CASD1: variants seen among roughly 807,000 people sequenced by gnomAD.
CASD1 encodes CAS1 domain sialic acid O acetyltransferase 1.
In CASD1, 41 loss-of-function variants were observed where a neutral mutation model predicts 100.0. That is an observed-to-expected ratio of 0.41 (90% CI 0.32 to 0.53). CASD1 has a LOEUF of 0.53. Among genes scored for constraint, CASD1 ranks in the 20% least tolerant of loss-of-function variants. The pLI, the probability that CASD1 is intolerant of heterozygous loss-of-function variation, is 0.25. For missense variants in CASD1, 774 were observed against 948.7 expected, an observed-to-expected ratio of 0.82 and a Z score of 2.42; for synonymous variants, 321 against 315.6, an observed-to-expected ratio of 1.02 and a Z score of -0.18.
At chr7:94,573,942 G>C in the CASD1 span, among the ~76,000 whole-genome samples, 1 of 152,084 alleles carries the variant, frequency 6.6e-6, no homozygotes, top group Non-Finnish European at 1.5e-5. Flanking sequence ...ATATGAAGTG[G>C]TGTTGAATTT....
chr7:94,569,957 G>A, the CASD1 span, among the ~76,000 whole-genome samples: 32 of 151,956 alleles, frequency 2.1e-4, 2 homozygotes, highest in East Asian at 2.1e-3. Context: ...GGGACTACAG[G>A]TGCCCGCCAC....
the CASD1 span, chr7:94,590,874 C>G: frequency 6.6e-6 from 1 of 152,094 alleles, no homozygotes; most frequent in Non-Finnish European, 1.5e-5. Flanking sequence ...ATACAACAAT[C>G]TAAAGTGGAA....
intron 3 of CASD1, among the ~76,000 whole-genome samples, chr7:94,524,575 A>C (rs184187832): frequency 2.0e-4 from 30 of 152,264 alleles, no homozygotes; most frequent in Non-Finnish European, 1.0e-4. Flanking sequence ...ACTCCAGAAA[A>C]TAATTTGCGT....
chr7:94,595,612 C>T, the CASD1 span, among the ~76,000 whole-genome samples: 15 of 152,050 alleles, frequency 9.9e-5, no homozygotes, highest in Non-Finnish European at 1.9e-4. Context: ...ACATTTTAAT[C>T]TTGAGAATTC....
chr7:94,568,700 A>G, the CASD1 span, among the ~76,000 whole-genome samples: 1 of 152,204 alleles, frequency 6.6e-6, no homozygotes, highest in Non-Finnish European at 1.5e-5. Flanking sequence ...ATGTGATGGT[A>G]TTTGGAGATT....
chr7:94,625,941 A>T, the CASD1 span: 3 of 152,220 alleles, frequency 2.0e-5, no homozygotes, highest in Admixed American at 2.0e-4. Flanking sequence ...AATAAGGTAC[A>T]GGGATACTCA....
chr7:94,563,322 G>A, the CASD1 span, among the ~76,000 whole-genome samples: 2 of 152,172 alleles, frequency 1.3e-5, no homozygotes, highest in African/African-American at 4.8e-5. Context: ...GGCCTCTGTG[G>A]AGATAATAGT....
At chr7:94,587,351 A>C in the CASD1 span, 8 of 1,022,000 alleles carry the variant, frequency 7.8e-6, no homozygotes, top group African/African-American at 1.2e-4. Context: ...AATACTCAAA[A>C]TAAATATTTA....
At chr7:94,587,713 T>C in the CASD1 span, 3 of 1,534,984 alleles carry the variant, frequency 2.0e-6, no homozygotes, top group East Asian at 2.5e-5. Flanking sequence ...TAATCAAAAT[T>C]GTAGGGAAAA....
the CASD1 span, among the ~76,000 whole-genome samples, chr7:94,605,065 TC>T: frequency 4.0e-5 from 6 of 151,792 alleles, no homozygotes; most frequent in Non-Finnish European, 7.4e-5. Context: ...TTATATTCAT[TC>T]TTTTTACTCC....
chr7:94,547,031 A>G, intron 12 of CASD1, 65 bp from the exon 13 acceptor site: 1 of 946,186 alleles, frequency 1.1e-6, no homozygotes, highest in Non-Finnish European at 1.6e-6. Context: ...TATCAAATAG[A>G]GAGTATTTAA....
chr7:94,614,881 T>C, the CASD1 span, among the ~76,000 whole-genome samples: 1 of 152,052 alleles, frequency 6.6e-6, no homozygotes, highest in Non-Finnish European at 1.5e-5. Context: ...AAAGAAAAAA[T>C]GATAGAACTC....
intron 5 of CASD1, among the ~76,000 whole-genome samples, chr7:94,529,854 G>A (rs1794761698): frequency 6.6e-6 from 1 of 152,174 alleles, no homozygotes; most frequent in Non-Finnish European, 1.5e-5. Flanking sequence ...AAATTTTATA[G>A]AGGAAATAAT....
the CASD1 span, among the ~76,000 whole-genome samples, chr7:94,566,220 A>G: frequency 6.6e-6 from 1 of 152,190 alleles, no homozygotes; most frequent in Non-Finnish European, 1.5e-5. Context: ...TCATCAAAAC[A>G]CCAGAAATAA....
At chr7:94,602,784 T>C in the CASD1 span, among the ~76,000 whole-genome samples, 1 of 152,178 alleles carries the variant, frequency 6.6e-6, no homozygotes, top group Non-Finnish European at 1.5e-5. Context: ...ATATTATGTT[T>C]ATGAATTATG....
chr7:94,575,070 ATTTC>A, the CASD1 span, among the ~76,000 whole-genome samples: 1 of 151,824 alleles, frequency 6.6e-6, no homozygotes, highest in Non-Finnish European at 1.5e-5. Context: ...AATTTTGGTT[ATTTC>A]TTGTCTTCTG....
At chr7:94,604,021 A>G in the CASD1 span, among the ~76,000 whole-genome samples, 4 of 152,096 alleles carry the variant, frequency 2.6e-5, no homozygotes, top group South Asian at 6.2e-4. Flanking sequence ...AGGCCTTGCA[A>G]TCTTTTATCT....
the CASD1 span, among the ~76,000 whole-genome samples, chr7:94,590,212 A>T: frequency 6.6e-6 from 1 of 152,156 alleles, no homozygotes; most frequent in African/African-American, 2.4e-5. Flanking sequence ...GCATACAGGT[A>T]TTACTCTTAT....
intron 3 of CASD1, among the ~76,000 whole-genome samples, chr7:94,523,778 A>G (rs572752474): frequency 1.8e-4 from 27 of 152,340 alleles, no homozygotes; most frequent in Non-Finnish European, 2.8e-4. Context: ...GGTGGAAAGG[A>G]TTTGTTATAC....
Sources: allele counts gnomAD v4.1 joint callset (sites outside exome capture counted in the v4.1 genomes callset), GRCh38; gene constraint gnomAD v4.1.1; transcripts MANE v1.5; gene names NCBI Gene and HGNC (gene_info 2026-07-23, HGNC 2026-07-21).